The following CCL26 variants were observed in gnomAD, a reference collection of about 807,000 sequenced individuals.
CCL26 encodes C-C motif chemokine ligand 26, also known as C-C motif chemokine 26.
A neutral mutation model predicts 10.7 loss-of-function variants in CCL26; 10 were observed. The observed-to-expected ratio is 0.93, with a 90% CI of 0.57 to 1.58. The LOEUF (loss-of-function observed/expected upper bound fraction) is 1.58, where lower values mean the gene tolerates loss of function less well. Among genes scored for constraint, CCL26 ranks in the 40% most tolerant of loss-of-function variants. The probability of loss-of-function intolerance (pLI) is 0.00; values close to 1 mark genes in which losing one functional copy is unlikely to be tolerated. For synonymous variants in CCL26, 43 were observed against 41.4 expected, an observed-to-expected ratio of 1.04 and a Z score of -0.15; for missense variants, 116 against 111.0, an observed-to-expected ratio of 1.05 and a Z score of -0.20.
At chr7:75,787,651 C>CA (rs55770109) in intron 1 of CCL26, among the ~76,000 whole-genome samples, 4,078 of 27,706 alleles carry the variant, frequency 0.15, 546 homozygotes, top group African/African-American at 0.24. Context: ...TCTCCAAAAG[C>CA]AAAAAAAAAA....
intron 1 of CCL26, among the ~76,000 whole-genome samples, chr7:75,780,420 A>G (rs1035947400): frequency 1.8e-4 from 27 of 152,118 alleles, no homozygotes; most frequent in African/African-American, 6.5e-4. Context: ...TGTGTTCTCA[A>G]AAACTTTTAA....
chr7:75,787,938 A>G (rs1803238661), intron 1 of CCL26, among the ~76,000 whole-genome samples: 1 of 152,036 alleles, frequency 6.6e-6, no homozygotes, highest in Non-Finnish European at 1.5e-5. Context: ...GTTTTATATG[A>G]CAAATGCTCT....
Position 75,777,721 on chromosome 7 carries a change from GAAAAA to G in CCL26, c.-78-5472_-78-5468del, listed in dbSNP as rs60039632. Among the ~76,000 whole-genome samples, 57 of 60,552 alleles carry G rather than the reference GAAAAA, an allele frequency of 9.4e-4. 1 individual carries two copies. The South Asian group carries it at 0.014, about 15-fold the overall frequency. 39.7% of individuals were successfully genotyped at this position (60,552 alleles called of 152,430 possible). A position where few individuals can be genotyped will look rare whatever the true frequency, so the allele number is the denominator to read the frequency against. ...CCCAACAGAGTGAGATCCTGTCTCA[GAAAAA>G]AAAAAAAAAAAAAAAAGCAGCAGCA... On this transcript the variant is annotated intron_variant, in intron 1 of 3. Transcript: ENST00000394905.
upstream of CCL26, among the ~76,000 whole-genome samples, chr7:75,776,857 C>T (rs1434067570): frequency 6.6e-6 from 1 of 152,122 alleles, no homozygotes; most frequent in Non-Finnish European, 1.5e-5. Context: ...GGGTGGAAAA[C>T]TATTGGCAGT....
At chr7:75,774,892 C>A (rs1243885849), upstream of CCL26, among the ~76,000 whole-genome samples, 4 of 151,976 alleles carry the variant, frequency 2.6e-5, no homozygotes, top group Non-Finnish European at 5.9e-5. Context: ...TGCACTCCAG[C>A]CTAGGTGACC....
upstream of CCL26, among the ~76,000 whole-genome samples, chr7:75,777,203 G>C (rs567494189): frequency 6.6e-6 from 1 of 152,250 alleles, no homozygotes; most frequent in Admixed American, 6.6e-5. Flanking sequence ...CTGCACTCCA[G>C]CCTGCGCAGC....
chr7:75,778,558 AT>A (rs61256016), intron 1 of CCL26, among the ~76,000 whole-genome samples: 110,774 of 147,152 alleles, frequency 0.75, 41,449 homozygotes, highest in South Asian at 0.81. Flanking sequence ...GATGTTGAGC[AT>A]TTTTTTTTTT....
intron 1 of CCL26, among the ~76,000 whole-genome samples, chr7:75,787,651 C>CAA (rs55770109): frequency 0.17 from 4,643 of 27,724 alleles, 711 homozygotes; most frequent in Middle Eastern, 0.33. Context: ...TCTCCAAAAG[C>CAA]AAAAAAAAAA....
rs782148218 is a variant in CCL26, at chr7:75,769,708, A to C, written c.270T>G (p.Thr90=). The C allele has an allele frequency of 6.2e-7, 1 of 1,609,510 alleles. No homozygotes were observed. The highest frequency in any genetic ancestry group is 1.1e-5 in the South Asian group (1 of 91,006). Residue 90 remains threonine, a synonymous_variant, in exon 3 of 3, where the codon ACT becomes ACG. Coordinates refer to ENST00000005180, the MANE Select transcript of CCL26 (RefSeq NM_001371938.1). ...TTCAGCTGAGTCACAATTGTTTCGG[A>C]GTTTTCAGTAAAGAAATGTATTTTT... The part of the protein sequence containing the change: ...WVQKYISLLK[T]PKQL
intron 1 of CCL26, among the ~76,000 whole-genome samples, chr7:75,785,926 G>C (rs992560655): frequency 2.0e-5 from 3 of 152,144 alleles, no homozygotes; most frequent in Non-Finnish European, 4.4e-5. Context: ...GCTGTTTTAG[G>C]CCAGCCATCA....
intron 1 of CCL26, among the ~76,000 whole-genome samples, chr7:75,789,033 C>T (rs1385585832): frequency 6.6e-6 from 1 of 151,858 alleles, no homozygotes; most frequent in Non-Finnish European, 1.5e-5. Flanking sequence ...GGGATTCTCC[C>T]TCCTTAGCCA....
chr7:75,779,890 T>A (rs1803021835), intron 1 of CCL26, among the ~76,000 whole-genome samples: 4 of 151,594 alleles, frequency 2.6e-5, no homozygotes, highest in Admixed American at 2.6e-4. Context: ...GGCAAGCCCC[T>A]CCCACCCTTT....
At chr7:75,790,198 T>C (rs543992190), upstream of CCL26, among the ~76,000 whole-genome samples, 43 of 102,498 alleles carry the variant, frequency 4.2e-4, 1 homozygote, top group South Asian at 6.8e-3. Context: ...TTTCTTTCTT[T>C]CTTTCTTTCT....
intron 1 of CCL26, among the ~76,000 whole-genome samples, chr7:75,784,462 T>C (rs1366495195): frequency 1.3e-5 from 2 of 152,164 alleles, no homozygotes; most frequent in Non-Finnish European, 2.9e-5. Flanking sequence ...GGGTAACTCT[T>C]ACAGTGGAGA....
Position 75,772,190 on chromosome 7 carries a change from AGG to A in CCL26, c.-16_-15del, listed in dbSNP as rs1554528233. ...GAGGCCCATCATGATGCTGCAAATC[AGG>A]CCCTTCTCAGGTTTCTCCCAAACTC... On this transcript the variant is annotated 5_prime_UTR_variant, in exon 1 of 3. Coordinates refer to ENST00000005180, the MANE Select transcript of CCL26 (RefSeq NM_001371938.1). 1 of 1,547,284 alleles carries A rather than the reference AGG, an allele frequency of 6.5e-7. No individual in the cohort carries two copies. The highest frequency in any genetic ancestry group is 8.7e-7 in the Non-Finnish European group (1 of 1,144,474).
At chr7:75,777,446 A>T (rs1209385889) in intron 1 of CCL26, among the ~76,000 whole-genome samples, 1 of 152,066 alleles carries the variant, frequency 6.6e-6, no homozygotes, top group East Asian at 1.9e-4. Flanking sequence ...CCTAATGCTG[A>T]GGGGAAAAAG....
chr7:75,780,014 T>G (rs1554529225), intron 1 of CCL26, among the ~76,000 whole-genome samples: 1 of 150,786 alleles, frequency 6.6e-6, no homozygotes, highest in Non-Finnish European at 1.5e-5. Flanking sequence ...TCCACTTTCC[T>G]GGGGGGCAAG....
At chr7:75,785,835 G>C (rs1803171810) in intron 1 of CCL26, among the ~76,000 whole-genome samples, 4 of 152,104 alleles carry the variant, frequency 2.6e-5, no homozygotes, top group Admixed American at 2.6e-4. Flanking sequence ...CACAGCCAAA[G>C]TGCAGGGCTG....
intron 2 of CCL26, among the ~76,000 whole-genome samples, chr7:75,771,152 A>T (rs557998786): frequency 1.3e-5 from 2 of 152,050 alleles, no homozygotes; most frequent in Non-Finnish European, 2.9e-5. Flanking sequence ...TGGTGCGATC[A>T]TACCTCACTG....
Sources: gnomAD v4.1 joint callset for allele counts (sites outside exome capture counted in the v4.1 genomes callset) on GRCh38, gnomAD v4.1.1 for gene constraint, MANE v1.5 for transcripts, NCBI Gene and HGNC (gene_info 2026-07-23, HGNC 2026-07-21) for gene names.